UPF2: variants seen among roughly 807,000 people sequenced by gnomAD.
UPF2 encodes regulator of nonsense transcripts 2.
In UPF2, 17 loss-of-function variants were observed where a neutral mutation model predicts 141.4. That is an observed-to-expected ratio of 0.12 (90% CI 0.08 to 0.18). The LOEUF is 0.18. Among genes scored for constraint, UPF2 ranks in the 10% least tolerant of loss-of-function variants. The pLI, the probability that UPF2 is intolerant of heterozygous loss-of-function variation, is 1.00. For synonymous variants in UPF2, 540 were observed against 498.0 expected (o/e 1.08, Z -1.12); for missense variants, 1,152 against 1,515.9 (o/e 0.76, Z 3.99).
chr10:11,990,223 C>T (rs929692132), intron 8 of UPF2, among the ~76,000 whole-genome samples: 3 of 152,174 alleles, frequency 2.0e-5, no homozygotes, highest in Admixed American at 6.5e-5. Flanking sequence ...ATGATAAACA[C>T]ATATTGTTTC....
intron 16 of UPF2, among the ~76,000 whole-genome samples, chr10:11,945,455 T>TA (rs1832988910): frequency 6.6e-6 from 1 of 152,230 alleles, no homozygotes; most frequent in Non-Finnish European, 1.5e-5. Flanking sequence ...GAAACTGGTC[T>TA]TGGGGTGAAA....
Position 11,963,878 on chromosome 10 carries a change from T to C in UPF2, c.2184+131A>G, listed in dbSNP as rs1017921292. 4 of 644,322 alleles carry C rather than the reference T, an allele frequency of 6.2e-6. No individual in the cohort carries two copies. In the Admixed American group the frequency reaches 8.0e-5, roughly 13 times the overall value. The allele number at this position is 644,322 out of a possible 1,614,324, so 39.9% of individuals were successfully genotyped here. ...GATTGCAACTCATATGTATGGGATGTTCCACTTTAAGTAGAAATGTTTGTA... is the reference window on the plus strand; with the variant it reads ...GATTGCAACTCATATGTATGGGATGCTCCACTTTAAGTAGAAATGTTTGTA... On this transcript the variant is annotated intron_variant, in intron 11 of 21. Coordinates refer to ENST00000357604, the MANE Select transcript of UPF2 (RefSeq NM_015542.4).
rs551534395 is a variant in UPF2, at chr10:12,036,984, C to T, written c.-18-1543G>A. On this transcript the variant is annotated intron_variant, in intron 1 of 21. Coordinates refer to ENST00000357604, the MANE Select transcript of UPF2 (RefSeq NM_015542.4). ...AGGTTGTAATGAGCCAAGATCACGC[C>T]ATTGGACTCCAGCCTGGGCAACAAG... Among the ~76,000 whole-genome samples, 9 of 152,242 alleles carry T rather than the reference C, an allele frequency of 5.9e-5. No individual in the cohort carries two copies. The Middle Eastern group carries it at 0.01, about 173-fold the overall frequency.
chr10:12,034,017 T>C (rs943966530), intron 2 of UPF2, among the ~76,000 whole-genome samples: 9 of 152,188 alleles, frequency 5.9e-5, no homozygotes, highest in African/African-American at 1.9e-4. Context: ...ATGGAAGGCA[T>C]TGTGGAATTG....
rs1834288694 is a variant in UPF2 at position 12,019,957 on chromosome 10, T to G, written c.1146-5773A>C. Among the ~76,000 whole-genome samples the G allele has an allele frequency of 6.6e-6, 1 of 152,238 alleles. No individual in the cohort carries two copies. The highest frequency in any genetic ancestry group is 2.4e-5 in the African/African-American group (1 of 41,554). On this transcript the variant is annotated intron_variant, in intron 3 of 21. Coordinates refer to ENST00000357604, the MANE Select transcript of UPF2 (RefSeq NM_015542.4). The surrounding 1 kb of genome is among the most constrained non-coding windows in gnomAD (Gnocchi z 4.5). ...CCAGGCTGGCCTCAGGCTCCTGATG[T>G]CAGGTGATCTGCCCACCTCAGCCTC...
At position 12,014,019 on chromosome 10, in the gene UPF2, C is replaced by G. The variant is rs760673131; in HGVS notation, c.1306+5G>C. 7 of 1,540,792 alleles carry G rather than the reference C, an allele frequency of 4.5e-6. No individual in the cohort carries two copies. ...ACAATGTTTGTTTTTAAGGATATCT[C>G]TTACCTTCTGGTGTTGGTTTGTCTT... On this transcript the variant is annotated splice_donor_5th_base_variant and intron_variant, in intron 4 of 21. Transcript: ENST00000357604. This position sits in a 1 kb window ranked among gnomAD's most constrained non-coding sequence, Gnocchi z 5.0.
chr10:11,991,511 C>A (rs1467099455), intron 8 of UPF2, among the ~76,000 whole-genome samples: 1 of 151,772 alleles, frequency 6.6e-6, no homozygotes, highest in Non-Finnish European at 1.5e-5. Flanking sequence ...TGAAGAAGGA[C>A]CCAGAATGAT....
intron 1 of UPF2, among the ~76,000 whole-genome samples, chr10:12,038,915 C>A (rs1834684612): frequency 6.6e-6 from 1 of 151,310 alleles, no homozygotes; most frequent in Non-Finnish European, 1.5e-5. Flanking sequence ...CATCCTCCCG[C>A]CTCGGCCTTC....
chr10:11,954,325 G>A (rs1031635529), intron 14 of UPF2, among the ~76,000 whole-genome samples: 5 of 151,748 alleles, frequency 3.3e-5, no homozygotes, highest in Admixed American at 2.0e-4. Flanking sequence ...AAAAATGATA[G>A]GTTTTCTTTT....
At position 12,014,322 on chromosome 10, in the gene UPF2, T is replaced by A; in HGVS notation, c.1146-138A>T. 1.2e-6 allele frequency: 1 copy of A among 859,116 alleles called. No individual in the cohort carries two copies. The highest frequency in any genetic ancestry group is 1.6e-6 in the Non-Finnish European group (1 of 643,824). The allele number at this position is 859,116 out of a possible 1,614,324, so 53.2% of individuals were successfully genotyped here. A position where few individuals can be genotyped will look rare whatever the true frequency, so the allele number is the denominator to read the frequency against. ...TTCATTTTTATTTAACATTTGAATC[T>A]AGTATTTTCAAAATGTATCTGAAAT... On this transcript the variant is annotated intron_variant, in intron 3 of 21. Transcript: ENST00000357604. The surrounding 1 kb of genome is among the most constrained non-coding windows in gnomAD (Gnocchi z 5.0).
At chr10:11,963,935 G>T in intron 11 of UPF2, 74 bp downstream of exon 11, 1 of 1,033,056 alleles carries the variant, frequency 9.7e-7, no homozygotes, top group Non-Finnish European at 1.5e-6. Context: ...ACCAGCACTG[G>T]TCAATATTTT....
chr10:11,978,686 A>G (rs1750610257), intron 9 of UPF2, among the ~76,000 whole-genome samples: 2 of 152,224 alleles, frequency 1.3e-5, no homozygotes, highest in African/African-American at 4.8e-5. Context: ...AAGCACCTAA[A>G]GAAGCATATC....
rs574825895 is a variant in UPF2 at position 11,967,581 on chromosome 10, C to T, written c.1954-127G>A. On this transcript the variant is annotated intron_variant, in intron 9 of 21. Coordinates refer to ENST00000357604, the MANE Select transcript of UPF2 (RefSeq NM_015542.4). ...TTTTTTTTTTTTTGAGACAGAGTTT[C>T]GCTTGTTACCCAGGCTGGAGTGCAA... 3.4e-5 allele frequency: 18 copies of T among 524,672 alleles called. No homozygotes were observed. In the African/African-American group the frequency reaches 4.2e-4, roughly 12 times the overall value. The allele number at this position is 524,672 out of a possible 1,614,324, so 32.5% of individuals were successfully genotyped here. A position where few individuals can be genotyped will look rare whatever the true frequency, so the allele number is the denominator to read the frequency against.
At chr10:11,987,295 C>A (rs1380398661) in intron 8 of UPF2, among the ~76,000 whole-genome samples, 1 of 152,184 alleles carries the variant, frequency 6.6e-6, no homozygotes, top group Admixed American at 6.5e-5. Context: ...ACCTGCACAG[C>A]CTGCACATGG....
chr10:11,997,771 G>C lies in UPF2; in HGVS notation c.1759-14C>G, dbSNP rs1164282913. 1 of 1,612,952 alleles carries C rather than the reference G, an allele frequency of 6.2e-7. No homozygotes were observed. Among genetic ancestry groups the C allele is most frequent in the African/African-American group, 1.3e-5 (1 of 74,888 alleles). On this transcript the variant is annotated splice_polypyrimidine_tract_variant and intron_variant, in intron 7 of 21. Coordinates refer to ENST00000357604, the MANE Select transcript of UPF2 (RefSeq NM_015542.4). ...ATCCATTGCTGCCTATTGGGAAAAA[G>C]TAAACTTTTTCTTTAAAAACCTCTA...
At chr10:11,957,359 G>A (rs1378106758) in intron 12 of UPF2, among the ~76,000 whole-genome samples, 1 of 151,806 alleles carries the variant, frequency 6.6e-6, no homozygotes, top group Admixed American at 6.5e-5. Context: ...AACCCGGGAG[G>A]CAGAGGTTGC....
rs11329571 is a variant in UPF2, at chr10:12,017,021, GAA to G, written c.1146-2839_1146-2838del. On this transcript the variant is annotated intron_variant, in intron 3 of 21. Coordinates refer to ENST00000357604, the MANE Select transcript of UPF2 (RefSeq NM_015542.4). ...AGCAACAGAGCGAGACTCCATCTCG[GAA>G]AAAAAAAAAAAAAAATCTTCAATGT... Among the ~76,000 whole-genome samples, 441 of 116,290 alleles carry G rather than the reference GAA, an allele frequency of 3.8e-3. 2 individuals are homozygous for G. Among genetic ancestry groups the G allele is most frequent in the African/African-American group, 0.013 (412 of 32,120 alleles). The allele number at this position is 116,290 out of a possible 152,430, so 76.3% of individuals were successfully genotyped here.
At chr10:11,954,140 T>C (rs968042273) in intron 14 of UPF2, among the ~76,000 whole-genome samples, 1 of 152,162 alleles carries the variant, frequency 6.6e-6, no homozygotes, top group African/African-American at 2.4e-5. Context: ...ATACAAACTT[T>C]ATAGAGGTTG....
In UPF2 at chr10:12,037,937, C is replaced by T. The variant is rs149018428; in HGVS notation, c.-18-2496G>A. Among the ~76,000 whole-genome samples, 443 of 152,278 alleles carry T rather than the reference C, an allele frequency of 2.9e-3. 2 individuals carry two copies. Among genetic ancestry groups the T allele is most frequent in the Admixed American group, 7.3e-3 (112 of 15,284 alleles). On this transcript the variant is annotated intron_variant, in intron 1 of 21. Coordinates refer to ENST00000357604, the MANE Select transcript of UPF2 (RefSeq NM_015542.4). ...CACAGCCTGTACCTTCTCATAACTA[C>T]CTTTTTCCTTCTCCTTTTTCTTTTA...
Sources: gnomAD v4.1 joint callset for allele counts (sites outside exome capture counted in the v4.1 genomes callset) on GRCh38, gnomAD v4.1.1 for gene constraint, Gnocchi (gnomAD v3.1) non-coding constraint, MANE v1.5 for transcripts, NCBI Gene and HGNC (gene_info 2026-07-23, HGNC 2026-07-21) for gene names.